EEF2KMT: variants seen among roughly 807,000 people sequenced by gnomAD.
The protein encoded by EEF2KMT is protein-lysine N-methyltransferase EEF2KMT.
EEF2KMT carries 30 observed loss-of-function variants against 35.1 expected under a neutral mutation model. The observed-to-expected ratio is 0.85, with a 90% CI of 0.64 to 1.16. The LOEUF is 1.16. Among genes scored for constraint, EEF2KMT ranks in the 50% most tolerant of loss-of-function variants. The probability of loss-of-function intolerance (pLI) is 0.00; values close to 1 mark genes in which losing one functional copy is unlikely to be tolerated. For synonymous variants in EEF2KMT, 190 were observed against 187.7 expected, an observed-to-expected ratio of 1.01 and a Z score of -0.10; for missense variants, 499 against 438.2, an observed-to-expected ratio of 1.14 and a Z score of -1.24.
chr16:5,091,886 C>T lies in EEF2KMT; in HGVS notation c.250G>A (p.Val84Ile). Residue 84 changes from valine (V) to isoleucine (I), a missense_variant, in exon 4 of 8, where the codon GTC becomes ATC. Val to Ile is a conservative substitution (Grantham distance 29). Transcript: ENST00000427587. ...LSELIKKHEA[V>I]HTEPLDELYE... is the part of the protein sequence containing the mutation. ...AGCTCGTCCAAAGGCTCTGTGTGGA[C>T]AGCCTCGTGCTGGGGGCAGACAGAG... 1.9e-6 allele frequency: 3 copies of T among 1,611,888 alleles called. No individual in the cohort carries two copies. The highest frequency in any genetic ancestry group is 2.5e-6 in the Non-Finnish European group (3 of 1,179,760).
chr16:5,089,652 C>T (rs1229897807), intron 6 of EEF2KMT, among the ~76,000 whole-genome samples: 1 of 152,136 alleles, frequency 6.6e-6, no homozygotes, highest in Non-Finnish European at 1.5e-5. Flanking sequence ...CTGTGGGTTT[C>T]AGGGCTGGGA....
At chr16:5,091,684 A>G (rs1957343029) in intron 4 of EEF2KMT, 110 bp downstream of exon 4, 4 of 1,536,876 alleles carry the variant, frequency 2.6e-6, no homozygotes, top group East Asian at 2.4e-5. Context: ...CCTCATGTCT[A>G]AGACTGTAGA....
At chr16:5,089,021 C>T in intron 7 of EEF2KMT, 86 bp downstream of exon 7, 1 of 1,603,302 alleles carries the variant, frequency 6.2e-7, no homozygotes, top group Non-Finnish European at 8.5e-7. Flanking sequence ...CTAGCTTTTC[C>T]CCGGCACCCA....
chr16:5,097,454 G>C (rs1334735103), intron 1 of EEF2KMT, 190 bp downstream of exon 1: 9 of 1,415,438 alleles, frequency 6.4e-6, no homozygotes, highest in Non-Finnish European at 8.4e-6. Context: ...CCGCCAGCTC[G>C]CGGGGCAGGA....
chr16:5,097,689 C>T lies in EEF2KMT; in HGVS notation c.51G>A (p.Glu17=). 1 of 1,581,274 alleles carries T rather than the reference C, an allele frequency of 6.3e-7. No individual in the cohort carries two copies. ...GTGTGCGTGCCGCCAGGAAGCGGCG[C>T]TCGAAACTCTGCAGCAAGAGTTCGG... ...AGTELLLQSF[E]RRFLAARTLR... is the part of the protein sequence containing the mutation. Residue 17 remains glutamate, a synonymous_variant, in exon 1 of 8, where the codon GAG becomes GAA. Coordinates refer to ENST00000427587, the MANE Select transcript of EEF2KMT (RefSeq NM_201400.4).
intron 6 of EEF2KMT, among the ~76,000 whole-genome samples, chr16:5,089,856 C>T (rs1267361314): frequency 2.6e-5 from 4 of 152,176 alleles, no homozygotes; most frequent in Non-Finnish European, 4.4e-5. Flanking sequence ...CATGTGGTAA[C>T]GACTGGAACG....
chr16:5,088,371 G>C (rs911320656), intron 7 of EEF2KMT, among the ~76,000 whole-genome samples: 6 of 152,196 alleles, frequency 3.9e-5, no homozygotes, highest in African/African-American at 1.4e-4. Flanking sequence ...CTGTGTCTCT[G>C]TGTGCAGGCA....
chr16:5,096,806 T>C (rs1957478186), intron 1 of EEF2KMT, among the ~76,000 whole-genome samples: 1 of 152,226 alleles, frequency 6.6e-6, no homozygotes, highest in South Asian at 2.1e-4. Context: ...ATGTGAACAA[T>C]TACAGTCAAT....
intron 4 of EEF2KMT, 89 bp downstream of exon 4, chr16:5,091,705 C>A: frequency 3.8e-6 from 6 of 1,571,728 alleles, no homozygotes; most frequent in South Asian, 1.1e-5. Flanking sequence ...ATGGGTGAGT[C>A]AGGATTTGAA....
rs760291464 is a variant in EEF2KMT at position 5,097,670 on chromosome 16, G to C, written c.70C>G (p.Arg24Gly). Residue 24 changes from arginine to glycine, a missense_variant, in exon 1 of 8, where the codon CGC becomes GGC. Coordinates refer to ENST00000427587, the MANE Select transcript of EEF2KMT (RefSeq NM_201400.4). ...QSFERRFLAARTLRSFPWQSL... is the reference protein window; with the variant it reads ...QSFERRFLAAGTLRSFPWQSL... ...TGCCAGGGGAAGGAGCGCAGTGTGC[G>C]TGCCGCCAGGAAGCGGCGCTCGAAA... is the stretch of plus-strand genomic sequence containing the variant. The C allele has an allele frequency of 5.7e-6, 9 of 1,577,024 alleles. No individual in the cohort carries two copies. Among genetic ancestry groups the C allele is most frequent in the African/African-American group, 1.3e-5 (1 of 74,214 alleles).
At chr16:5,093,017 C>T (rs920944773) in intron 3 of EEF2KMT, among the ~76,000 whole-genome samples, 1 of 152,226 alleles carries the variant, frequency 6.6e-6, no homozygotes, top group Non-Finnish European at 1.5e-5. Context: ...CAGGAAAGAG[C>T]TCATTCCAGC....
chr16:5,088,788 C>A (rs1401607192), intron 7 of EEF2KMT, among the ~76,000 whole-genome samples: 3 of 152,212 alleles, frequency 2.0e-5, no homozygotes, highest in Non-Finnish European at 4.4e-5. Context: ...CCAGCCCTGA[C>A]CCCGACTGCC....
rs1957317938 is a variant in EEF2KMT at position 5,090,434 on chromosome 16, G to T, written c.474C>A (p.Asn158Lys). 1 of 1,612,016 alleles carries T rather than the reference G, an allele frequency of 6.2e-7. No individual in the cohort carries two copies. Among genetic ancestry groups the T allele is most frequent in the East Asian group, 2.2e-5 (1 of 44,878 alleles). The change falls in exon 5 of 8, where the codon AAC becomes AAA. Residue 158 changes from asparagine to lysine, a missense_variant and splice_region_variant. Transcript: ENST00000427587. This position sits in a 1 kb window ranked among gnomAD's most constrained non-coding sequence, Gnocchi z 4.1. ...CCTGCCCTGCGCCCCGAGGTCACCT[G>T]TTAGTGAAGACTGCCGGGTTCTCGA... ...WAIENPAVFT[N>K]RTVLELGSGA...
chr16:5,086,432 A>T (rs1012487377), intron 7 of EEF2KMT: 2 of 151,292 alleles, frequency 1.3e-5, no homozygotes, highest in Non-Finnish European at 2.9e-5. Context: ...ATGTCTGAAG[A>T]GCCGTTAGCC....
intron 3 of EEF2KMT, among the ~76,000 whole-genome samples, chr16:5,092,430 G>A (rs907440560): frequency 1.2e-4 from 18 of 152,222 alleles, no homozygotes; most frequent in Non-Finnish European, 2.1e-4. Context: ...ATGATTCACA[G>A]GGCAGCAGCA....
Position 5,088,967 on chromosome 16 carries a change from G to T in EEF2KMT, c.892+140C>A, listed in dbSNP as rs1031851798. ...CGCCCCAAGCCCACCCTGCTCACTGGCCTCTGCCTGAGTTCCCCCCATGGT... is the reference window on the plus strand; with the variant it reads ...CGCCCCAAGCCCACCCTGCTCACTGTCCTCTGCCTGAGTTCCCCCCATGGT... On this transcript the variant is annotated intron_variant, in intron 7 of 7. Coordinates refer to ENST00000427587, the MANE Select transcript of EEF2KMT (RefSeq NM_201400.4). The T allele has an allele frequency of 2.1e-5, 33 of 1,565,210 alleles. No individual in the cohort carries two copies. The Admixed American group carries it at 3.0e-4, about 14-fold the overall frequency.
At chr16:5,086,162 C>T (rs995185688) in intron 7 of EEF2KMT, among the ~76,000 whole-genome samples, 9 of 152,094 alleles carry the variant, frequency 5.9e-5, no homozygotes, top group Non-Finnish European at 1.0e-4. Flanking sequence ...ATGGTGAAAT[C>T]CCATCTCTAC....
At chr16:5,086,095 G>A (rs1957153489) in intron 7 of EEF2KMT, among the ~76,000 whole-genome samples, 1 of 152,186 alleles carries the variant, frequency 6.6e-6, no homozygotes, top group Non-Finnish European at 1.5e-5. Flanking sequence ...CAACACTTTG[G>A]GAGGCCAAGG....
In EEF2KMT at chr16:5,089,380, A is replaced by G. The variant is rs528235024; in HGVS notation, c.743-124T>C. 3.0e-6 allele frequency: 4 copies of G among 1,319,924 alleles called. No individual in the cohort carries two copies. In the African/African-American group the frequency reaches 4.3e-5, roughly 14 times the overall value. 81.8% of individuals were successfully genotyped at this position (1,319,924 alleles called of 1,614,324 possible). A position where few individuals can be genotyped will look rare whatever the true frequency, so the allele number is the denominator to read the frequency against. On this transcript the variant is annotated intron_variant, in intron 6 of 7. Transcript: ENST00000427587. ...TGAGACTAGTAGATGCCATTTGACC[A>G]TTTGGGCCATTAGATGGAAAGGCAA...
Sources: gnomAD v4.1 joint callset for allele counts (sites outside exome capture counted in the v4.1 genomes callset) on GRCh38, gnomAD v4.1.1 for gene constraint, Gnocchi (gnomAD v3.1) non-coding constraint, MANE v1.5 for transcripts, NCBI Gene and HGNC (gene_info 2026-07-23, HGNC 2026-07-21) for gene names.